The following TOP3A variants were observed in gnomAD, a reference collection of about 807,000 sequenced individuals.
The protein encoded by TOP3A is DNA topoisomerase III alpha.
A neutral mutation model predicts 111.3 loss-of-function variants in TOP3A; 64 were observed. The observed-to-expected ratio is 0.57, with a 90% confidence interval of 0.47 to 0.71. TOP3A has a LOEUF of 0.71. Ranked by LOEUF, TOP3A falls within the 30% of genes least tolerant of loss-of-function variation. The pLI, the probability that TOP3A is intolerant of heterozygous loss-of-function variation, is 0.00. For missense variants in TOP3A, 1,104 were observed against 1,285.0 expected (o/e 0.86, Z 2.15); for synonymous variants, 484 against 485.1 (o/e 1.00, Z 0.03).
rs1393948657 is a variant in TOP3A, at chr17:18,282,963, C to G, written c.1878-122G>C. On this transcript the variant is annotated intron_variant, in intron 15 of 18. Coordinates refer to ENST00000321105, the MANE Select transcript of TOP3A (RefSeq NM_004618.5). ...ACCAGCTGGTCAGTGAGCCGCAGGCCTCCTGCAGAGAACAGACGGCAGACA... is the reference window on the plus strand; with the variant it reads ...ACCAGCTGGTCAGTGAGCCGCAGGCGTCCTGCAGAGAACAGACGGCAGACA... 4 of 1,301,308 alleles carry G rather than the reference C, an allele frequency of 3.1e-6. No individual in the cohort carries two copies. The East Asian group carries it at 9.3e-5, about 30-fold the overall frequency. 80.6% of individuals were successfully genotyped at this position (1,301,308 alleles called of 1,614,324 possible). A position where few individuals can be genotyped will look rare whatever the true frequency, so the allele number is the denominator to read the frequency against.
intron 15 of TOP3A, among the ~76,000 whole-genome samples, chr17:18,283,917 C>T (rs113950231): frequency 1.3e-5 from 2 of 152,180 alleles, no homozygotes; most frequent in African/African-American, 4.8e-5. Flanking sequence ...GAAGGGGTAG[C>T]TTCCATGCCC....
intron 13 of TOP3A, among the ~76,000 whole-genome samples, chr17:18,288,997 C>T (rs912424248): frequency 6.6e-6 from 1 of 152,052 alleles, no homozygotes; most frequent in Admixed American, 6.6e-5. Context: ...TACCTATAGG[C>T]ATGCACCTAA....
At chr17:18,279,279 CAG>C (rs1363642362) in intron 17 of TOP3A, among the ~76,000 whole-genome samples, 1 of 151,494 alleles carries the variant, frequency 6.6e-6, no homozygotes, top group Non-Finnish European at 1.5e-5. Flanking sequence ...TTTTTTGAGA[CAG>C]AGTATCATTC....
rs1192531638 is a variant in TOP3A, at chr17:18,290,622, T to G, written c.1532A>C (p.Glu511Ala). The G allele has an allele frequency of 6.2e-7, 1 of 1,611,448 alleles. No homozygotes were observed. Among genetic ancestry groups the G allele is most frequent in the African/African-American group, 1.3e-5 (1 of 74,848 alleles). Residue 511 changes from glutamate (E) to alanine (A), a missense_variant, in exon 13 of 19, where the codon GAG becomes GCG. Glu to Ala is a moderately radical substitution (Grantham distance 107). Coordinates refer to ENST00000321105, the MANE Select transcript of TOP3A (RefSeq NM_004618.5). ...GGTGAGCAGCTTGGGTGGGCTGGTC[T>G]CCCCGTCCACCATCTCCACGGTGCT... ...QPSTVEMVDG[E>A]TSPPKLLTEA...
rs1979456522 is a variant in TOP3A at position 18,277,593 on chromosome 17, G to C, written c.2827+82C>G. ...CCCAATCCCACCATGACCCTGCCTT[G>C]CCTTCTTTCTGCTGTCCCCAGTCTC... On this transcript the variant is annotated intron_variant, in intron 18 of 18. Coordinates refer to ENST00000321105, the MANE Select transcript of TOP3A (RefSeq NM_004618.5). The C allele has an allele frequency of 2.0e-6, 3 of 1,493,676 alleles. No homozygotes were observed. The East Asian group carries it at 6.8e-5, about 34-fold the overall frequency. 92.5% of individuals were successfully genotyped at this position (1,493,676 alleles called of 1,614,324 possible). A position where few individuals can be genotyped will look rare whatever the true frequency, so the allele number is the denominator to read the frequency against.
intron 1 of TOP3A, among the ~76,000 whole-genome samples, chr17:18,311,704 G>T (rs549362617): frequency 4.4e-4 from 67 of 152,360 alleles, no homozygotes; most frequent in Non-Finnish European, 9.1e-4. Flanking sequence ...AGAGTCCAAG[G>T]AGAGGCAGTG....
At chr17:18,296,957 A>G (rs1043182568) in intron 9 of TOP3A, among the ~76,000 whole-genome samples, 1 of 152,214 alleles carries the variant, frequency 6.6e-6, no homozygotes, top group African/African-American at 2.4e-5. Context: ...CAGCAACATG[A>G]AAAAAATGCT....
Position 18,296,449 on chromosome 17 carries a change from G to A in TOP3A, c.991-1664C>T, listed in dbSNP as rs149542114. ...ACAAAAATTAGCTGGGTGTGGTGGC[G>A]CGCACCTATAGTCCCAGCTACTCAG... On this transcript the variant is annotated intron_variant, in intron 9 of 18. Transcript: ENST00000321105. 4.3e-3 allele frequency among the ~76,000 whole-genome samples: 649 copies of A among 152,028 alleles called. 5 individuals are homozygous for A. Among genetic ancestry groups the A allele is most frequent in the African/African-American group, 0.015 (615 of 41,458 alleles).
intron 18 of TOP3A, among the ~76,000 whole-genome samples, chr17:18,275,401 G>A (rs1979288003): frequency 7.2e-6 from 1 of 138,336 alleles, no homozygotes; most frequent in East Asian, 2.1e-4. Context: ...CACCCAGGCT[G>A]GAGTGTGGAG....
At chr17:18,306,726 C>T in intron 4 of TOP3A, 165 bp downstream of exon 4, 1 of 579,276 alleles carries the variant, frequency 1.7e-6, no homozygotes, top group Middle Eastern at 3.6e-4. Flanking sequence ...GTCCCTTGGC[C>T]ACTTAGCCAC....
chr17:18,296,914 A>G (rs557505512), intron 9 of TOP3A, among the ~76,000 whole-genome samples: 1 of 152,350 alleles, frequency 6.6e-6, no homozygotes, highest in African/African-American at 2.4e-5. Context: ...TTCATATAGC[A>G]GATTATTTAA....
chr17:18,277,614 GTC>G, intron 18 of TOP3A, 59 bp downstream of exon 18: 1 of 1,541,806 alleles, frequency 6.5e-7, no homozygotes, highest in African/African-American at 1.4e-5. Context: ...GCTGTCCCCA[GTC>G]TCTGAGGTAA....
chr17:18,272,473 C>G lies in TOP3A; in HGVS notation c.*2329G>C, dbSNP rs1979055224. On this transcript the variant is annotated 3_prime_UTR_variant, in exon 19 of 19. Transcript: ENST00000321105. ...AACAAGTCATCAGACACTCATACAC[C>G]AATGTTCACAACAGTGCTATTCACA... 1.3e-5 allele frequency among the ~76,000 whole-genome samples: 2 copies of G among 152,208 alleles called. No individual in the cohort carries two copies. Among genetic ancestry groups the G allele is most frequent in the South Asian group, 2.1e-4 (1 of 4,832 alleles).
intron 15 of TOP3A, among the ~76,000 whole-genome samples, chr17:18,283,376 A>T (rs753449400): frequency 6.6e-6 from 1 of 152,136 alleles, no homozygotes; most frequent in Admixed American, 6.5e-5. Context: ...TCTCAAAAAA[A>T]AAAAGTAAAA....
At chr17:18,288,151 A>AATT (rs1567739486) in intron 13 of TOP3A, among the ~76,000 whole-genome samples, 193 of 126,568 alleles carry the variant, frequency 1.5e-3, no homozygotes, top group African/African-American at 5.6e-3. Flanking sequence ...ATATATATAA[A>AATT]TTTTTTTTTT....
At chr17:18,284,618 G>A (rs1294122956) in intron 15 of TOP3A, among the ~76,000 whole-genome samples, 1 of 152,040 alleles carries the variant, frequency 6.6e-6, no homozygotes, top group Non-Finnish European at 1.5e-5. Flanking sequence ...ATCACAGGTA[G>A]AAAACACATC....
intron 6 of TOP3A, 68 bp from the exon 7 acceptor site, chr17:18,302,502 A>AT (rs1282239590): frequency 2.5e-6 from 4 of 1,595,510 alleles, no homozygotes; most frequent in Non-Finnish European, 3.4e-6. Context: ...CTGGCTGCAC[A>AT]TATCGACACA....
chr17:18,280,393 T>G, intron 17 of TOP3A, 143 bp downstream of exon 17: 1 of 914,536 alleles, frequency 1.1e-6, no homozygotes. Flanking sequence ...CCAGCCCTGC[T>G]GAACTGGCTG....
intron 1 of TOP3A, among the ~76,000 whole-genome samples, chr17:18,314,098 A>C (rs1982091560): frequency 6.6e-6 from 1 of 151,596 alleles, no homozygotes; most frequent in Admixed American, 6.6e-5. Flanking sequence ...GTGTTGCTGT[A>C]AGTGTGCACT....
Sources: gnomAD v4.1 joint callset for allele counts (sites outside exome capture counted in the v4.1 genomes callset) on GRCh38, gnomAD v4.1.1 for gene constraint, MANE v1.5 for transcripts, NCBI Gene and HGNC (gene_info 2026-07-23, HGNC 2026-07-21) for gene names.